EPB41L4A: variants seen among roughly 807,000 people sequenced by gnomAD.
EPB41L4A encodes the protein erythrocyte membrane protein band 4.1 like 4A.
A neutral mutation model predicts 108.6 loss-of-function variants in EPB41L4A; 100 were observed. The observed-to-expected ratio is 0.92, with a 90% confidence interval of 0.78 to 1.09. The LOEUF (loss-of-function observed/expected upper bound fraction) is 1.09, where lower values mean the gene tolerates loss of function less well. EPB41L4A is among the 50% of genes least tolerant of loss of function. The pLI, the probability that EPB41L4A is intolerant of heterozygous loss-of-function variation, is 0.00. For synonymous variants in EPB41L4A, 319 were observed against 289.0 expected (o/e 1.10, Z -1.05); for missense variants, 1,030 against 842.7 (o/e 1.22, Z -2.75).
intron 1 of EPB41L4A, among the ~76,000 whole-genome samples, chr5:112,363,053 A>G (rs886985818): frequency 2.0e-5 from 3 of 152,286 alleles, no homozygotes; most frequent in African/African-American, 7.2e-5. Flanking sequence ...GCAATTGGCC[A>G]TATCATTTCC....
rs1756644133 is a variant in EPB41L4A at position 112,332,712 on chromosome 5, T to A, written c.100-25222A>T. ...CTGCTAATTCTCGGAATAACAGAAG[T>A]TACCAACAATACAGTTACAATTAGC... On this transcript the variant is annotated intron_variant, in intron 1 of 22. Transcript: ENST00000261486. Among the ~76,000 whole-genome samples, 7 of 152,218 alleles carry A rather than the reference T, an allele frequency of 4.6e-5. No homozygotes were observed. The South Asian group carries it at 1.4e-3, about 32-fold the overall frequency.
intron 12 of EPB41L4A, among the ~76,000 whole-genome samples, chr5:112,233,159 T>A (rs1280396337): frequency 1.3e-5 from 2 of 152,130 alleles, no homozygotes. Context: ...CTGTATATAA[T>A]GTTGGCAGGA....
intron 9 of EPB41L4A, among the ~76,000 whole-genome samples, chr5:112,248,531 T>TG (rs1750401737): frequency 6.6e-6 from 1 of 152,150 alleles, no homozygotes; most frequent in Non-Finnish European, 1.5e-5. Flanking sequence ...TTGAGTCACT[T>TG]CTAAGTCCAA....
At chr5:112,341,818 C>T (rs1334366876) in intron 1 of EPB41L4A, among the ~76,000 whole-genome samples, 1 of 151,854 alleles carries the variant, frequency 6.6e-6, no homozygotes, top group Non-Finnish European at 1.5e-5. Flanking sequence ...TCCATAACTA[C>T]GTCTTGAATA....
At chr5:112,409,004 C>T in intron 1 of EPB41L4A, among the ~76,000 whole-genome samples, 1 of 152,034 alleles carries the variant, frequency 6.6e-6, no homozygotes, top group Non-Finnish European at 1.5e-5. Context: ...TAAATGAGAA[C>T]ATACATCTAT....
Position 112,296,038 on chromosome 5 carries a change from G to A in EPB41L4A, c.204+11348C>T, listed in dbSNP as rs80078714. Among the ~76,000 whole-genome samples, 680 of 152,286 alleles carry A rather than the reference G, an allele frequency of 4.5e-3. 8 individuals carry two copies. The highest frequency in any genetic ancestry group is 0.016 in the African/African-American group (663 of 41,568). On this transcript the variant is annotated intron_variant, in intron 2 of 22. Coordinates refer to ENST00000261486, the MANE Select transcript of EPB41L4A (RefSeq NM_022140.5). ...ATTTAAATTGACAAAATGACAGAAA[G>A]CAAGTTGGTTTGGCTAAGTGGCTTA...
At chr5:112,364,144 A>G (rs931214202) in intron 1 of EPB41L4A, among the ~76,000 whole-genome samples, 2 of 152,166 alleles carry the variant, frequency 1.3e-5, no homozygotes, top group Admixed American at 1.3e-4. Context: ...CTTCAGCCTC[A>G]GCCTCCCGAG....
At chr5:112,390,440 ACTGCCAGCACAGCAGT>A (rs1561635003) in intron 1 of EPB41L4A, among the ~76,000 whole-genome samples, 8 of 152,150 alleles carry the variant, frequency 5.3e-5, no homozygotes, top group African/African-American at 1.9e-4. Flanking sequence ...AGCCTTGCTC[ACTGCCAGCACAGCAGT>A]CCGAGATCGA....
intron 1 of EPB41L4A, among the ~76,000 whole-genome samples, chr5:112,409,276 T>A (rs1171373949): frequency 6.6e-6 from 1 of 152,126 alleles, no homozygotes; most frequent in African/African-American, 2.4e-5. Flanking sequence ...ATGTCCCGAA[T>A]ACACAAAACT....
intron 4 of EPB41L4A, among the ~76,000 whole-genome samples, chr5:112,271,998 T>C (rs1291038553): frequency 6.6e-6 from 1 of 152,284 alleles, no homozygotes; most frequent in Admixed American, 6.5e-5. Context: ...TTAACGTACA[T>C]TTTTCATAAT....
intron 12 of EPB41L4A, among the ~76,000 whole-genome samples, chr5:112,233,178 G>C (rs1749080522): frequency 6.6e-6 from 1 of 151,942 alleles, no homozygotes; most frequent in East Asian, 1.9e-4. Context: ...GAAGAATCAA[G>C]ACACAAAAAA....
chr5:112,228,633 G>A (rs914141474), intron 12 of EPB41L4A: 6 of 887,768 alleles, frequency 6.8e-6, no homozygotes, highest in Non-Finnish European at 8.1e-6. Flanking sequence ...AGCTAATTAT[G>A]AATTATATCC....
chr5:112,212,351 G>A (rs1747231358), intron 12 of EPB41L4A, among the ~76,000 whole-genome samples: 1 of 150,266 alleles, frequency 6.7e-6, no homozygotes, highest in East Asian at 2.0e-4. Flanking sequence ...GGAGTGCAGT[G>A]ACATGATCTC....
chr5:112,169,640 C>G (rs1040159794), intron 20 of EPB41L4A, among the ~76,000 whole-genome samples: 1 of 152,090 alleles, frequency 6.6e-6, no homozygotes, highest in African/African-American at 2.4e-5. Context: ...ATTGTATAAA[C>G]ATACACAATT....
At chr5:112,148,735 AT>A (rs1318864454) in intron 12 of EPB41L4A, among the ~76,000 whole-genome samples, 2 of 152,098 alleles carry the variant, frequency 1.3e-5, no homozygotes, top group Non-Finnish European at 2.9e-5. Flanking sequence ...TTTCCATTTA[AT>A]TTTTAAACTA....
chr5:112,208,944 A>T (rs1007902127), intron 13 of EPB41L4A, among the ~76,000 whole-genome samples: 2 of 152,220 alleles, frequency 1.3e-5, no homozygotes, highest in African/African-American at 4.8e-5. Context: ...AGAACTTGTC[A>T]TCCTAAAAGG....
chr5:112,272,108 G>A (rs1027838259), intron 4 of EPB41L4A, among the ~76,000 whole-genome samples: 2 of 150,602 alleles, frequency 1.3e-5, no homozygotes, highest in Non-Finnish European at 2.9e-5. Flanking sequence ...CCATATATAT[G>A]CACGAGAAGT....
rs1761305106 is a variant in EPB41L4A, at chr5:112,184,106, G to A, written c.1532C>T (p.Ser511Leu). 3 of 1,613,958 alleles carry A rather than the reference G, an allele frequency of 1.9e-6. No individual in the cohort carries two copies. The highest frequency in any genetic ancestry group is 1.7e-6 in the Non-Finnish European group (2 of 1,179,924). ...TAATACAGCTTCCCACTGAGGCGCT[G>A]AATCAACCATATCATTCTCCTGCCG... Reference protein sequence around the residue: ...RIRQENDMVDSAPQWEAVLRR... With the variant: ...RIRQENDMVDLAPQWEAVLRR... Residue 511 changes from serine to leucine, a missense_variant, in exon 18 of 23, where the codon TCA (serine) becomes TTA (leucine). Coordinates refer to ENST00000261486, the MANE Select transcript of EPB41L4A (RefSeq NM_022140.5).
intron 1 of EPB41L4A, among the ~76,000 whole-genome samples, chr5:112,358,621 T>TA (rs1398283855): frequency 6.6e-6 from 1 of 152,208 alleles, no homozygotes; most frequent in Non-Finnish European, 1.5e-5. Flanking sequence ...TAGAAACTGG[T>TA]ATATCCACTT....
Sources: gnomAD v4.1 joint callset for allele counts (sites outside exome capture counted in the v4.1 genomes callset) on GRCh38, gnomAD v4.1.1 for gene constraint, MANE v1.5 for transcripts, NCBI Gene and HGNC (gene_info 2026-07-23, HGNC 2026-07-21) for gene names.